Variants in MAP2K6 observed in about 807,000 individuals in gnomAD.
MAP2K6 encodes mitogen-activated protein kinase kinase 6, also known as dual specificity mitogen-activated protein kinase kinase 6.
MAP2K6 carries 16 observed loss-of-function variants against 53.7 expected under a neutral mutation model. The ratio of observed to expected loss-of-function variants is 0.30; its 90% CI spans 0.20 to 0.45. The LOEUF (loss-of-function observed/expected upper bound fraction) is 0.45, where lower values mean the gene tolerates loss of function less well. Ranked by LOEUF, MAP2K6 falls within the 20% of genes least tolerant of loss-of-function variation. The pLI, the probability that MAP2K6 is intolerant of heterozygous loss-of-function variation, is 1.00. For synonymous variants in MAP2K6, 132 were observed against 143.1 expected (o/e 0.92, Z 0.55); for missense variants, 204 against 411.9 (o/e 0.50, Z 4.37).
chr17:69,450,101 A>ATT (rs55956707), intron 1 of MAP2K6, among the ~76,000 whole-genome samples: 1 of 124,898 alleles, frequency 8.0e-6, no homozygotes, highest in African/African-American at 3.0e-5. Context: ...CACCTGGCTA[A>ATT]TTTTTTTTTT....
At chr17:69,516,202 T>A (rs1180036290) in intron 2 of MAP2K6, among the ~76,000 whole-genome samples, 1 of 151,932 alleles carries the variant, frequency 6.6e-6, no homozygotes, top group African/African-American at 2.4e-5. Flanking sequence ...AGCCTTGAGC[T>A]TGTTATCCTG....
chr17:69,448,244 G>T (rs117450832), intron 1 of MAP2K6, among the ~76,000 whole-genome samples: 60 of 138,864 alleles, frequency 4.3e-4, no homozygotes, highest in African/African-American at 9.4e-4. Context: ...TTTTGTTTTT[G>T]TTTTTTTTTT....
intron 1 of MAP2K6, among the ~76,000 whole-genome samples, chr17:69,458,244 G>A (rs980721419): frequency 1.3e-5 from 2 of 152,006 alleles, no homozygotes; most frequent in African/African-American, 4.8e-5. Context: ...GTAGAGATGG[G>A]GTTTCACCAT....
At chr17:69,437,575 AAC>A (rs1906688407) in intron 1 of MAP2K6, among the ~76,000 whole-genome samples, 1 of 152,230 alleles carries the variant, frequency 6.6e-6, no homozygotes, top group Admixed American at 6.5e-5. Flanking sequence ...ATTGTGGTTA[AAC>A]ACACATAATG....
At chr17:69,473,796 A>G (rs1908054282) in intron 1 of MAP2K6, among the ~76,000 whole-genome samples, 1 of 152,200 alleles carries the variant, frequency 6.6e-6, no homozygotes, top group South Asian at 2.1e-4. Flanking sequence ...AGGGTTCAAT[A>G]TATCTATTTT....
intron 6 of MAP2K6, 147 bp downstream of exon 6, chr17:69,520,533 C>A: frequency 1.6e-6 from 1 of 628,006 alleles, no homozygotes; most frequent in South Asian, 2.0e-5. Context: ...TGGATAAATA[C>A]ATGCTTTCCT....
chr17:69,441,323 A>G (rs140787027), intron 1 of MAP2K6, among the ~76,000 whole-genome samples: 8 of 151,500 alleles, frequency 5.3e-5, no homozygotes, highest in African/African-American at 1.7e-4. Context: ...TTTCAGGTCT[A>G]TTTTCTCTCT....
intron 10 of MAP2K6, among the ~76,000 whole-genome samples, chr17:69,530,529 A>G (rs552994080): frequency 6.6e-6 from 1 of 152,266 alleles, no homozygotes; most frequent in East Asian, 1.9e-4. Flanking sequence ...GAATTAAGAA[A>G]TAGAAGGGAA....
chr17:69,445,340 C>T (rs549719345), intron 1 of MAP2K6, among the ~76,000 whole-genome samples: 11 of 152,308 alleles, frequency 7.2e-5, no homozygotes, highest in African/African-American at 2.4e-4. Context: ...TTCCTGACCT[C>T]AAAAGCAAAA....
intron 1 of MAP2K6, 164 bp from the exon 2 acceptor site, chr17:69,505,616 C>T: frequency 1.6e-6 from 1 of 623,854 alleles, no homozygotes; most frequent in Non-Finnish European, 2.9e-6. Flanking sequence ...CTACCTGGTG[C>T]TTGGGTTCTT....
chr17:69,475,409 C>T (rs1908117766), intron 1 of MAP2K6, among the ~76,000 whole-genome samples: 1 of 152,110 alleles, frequency 6.6e-6, no homozygotes, highest in African/African-American at 2.4e-5. Context: ...ACCTCGTGAT[C>T]CGCCCGTCTC....
rs188187475 is a variant in MAP2K6 at position 69,511,858 on chromosome 17, A to G, written c.84-4997A>G. On this transcript the variant is annotated intron_variant, in intron 2 of 11. Transcript: ENST00000590474. ...GCTGGGCGTGGTGGCGGGCACCTGT[A>G]ATCCCAGCTTCTTGGGAGGCTGAGA... is the stretch of plus-strand genomic sequence containing the variant. 1.6e-3 allele frequency among the ~76,000 whole-genome samples: 242 copies of G among 152,346 alleles called. 2 individuals are homozygous for G. The highest frequency in any genetic ancestry group is 0.013 in the Admixed American group (198 of 15,306).
chr17:69,475,540 T>A (rs1567831415), intron 1 of MAP2K6, among the ~76,000 whole-genome samples: 1 of 152,254 alleles, frequency 6.6e-6, no homozygotes, highest in Non-Finnish European at 1.5e-5. Context: ...AAATGATGAC[T>A]GAGGATTTTC....
At chr17:69,481,782 T>A (rs1433459536) in intron 1 of MAP2K6, among the ~76,000 whole-genome samples, 1 of 152,178 alleles carries the variant, frequency 6.6e-6, no homozygotes, top group Non-Finnish European at 1.5e-5. Context: ...TATCTTAACT[T>A]AGTTACCTCT....
chr17:69,421,025 C>A (rs1364529698), intron 1 of MAP2K6, among the ~76,000 whole-genome samples: 1 of 152,172 alleles, frequency 6.6e-6, no homozygotes, highest in African/African-American at 2.4e-5. Context: ...TGTTTGAAAG[C>A]CCTTGCTGGG....
In MAP2K6 at chr17:69,549,463, T is replaced by C. The variant is rs1320328542; in HGVS notation, c.*7710T>C. ...TCTGTTTTCCTTTGCTACAATTTGCTTGTTATTTCTCTGCCGGTCACAGAT... is the reference window on the plus strand; with the variant it reads ...TCTGTTTTCCTTTGCTACAATTTGCCTGTTATTTCTCTGCCGGTCACAGAT... On this transcript the variant is annotated 3_prime_UTR_variant, in exon 12 of 12. Coordinates refer to ENST00000590474, the MANE Select transcript of MAP2K6 (RefSeq NM_002758.4). 1 of 152,250 alleles carries C rather than the reference T, an allele frequency of 6.6e-6. No homozygotes were observed. The highest frequency in any genetic ancestry group is 1.9e-4 in the East Asian group (1 of 5,204). The allele number at this position is 152,250 out of a possible 1,614,324, so 9.4% of individuals were successfully genotyped here.
intron 10 of MAP2K6, 130 bp from the exon 11 acceptor site, chr17:69,535,985 A>C (rs1307654871): frequency 3.1e-6 from 2 of 648,954 alleles, no homozygotes; most frequent in Non-Finnish European, 5.5e-6. Flanking sequence ...AGGAAAGTCA[A>C]GATAGGAGGC....
intron 1 of MAP2K6, among the ~76,000 whole-genome samples, chr17:69,449,693 G>A (rs1333284905): frequency 2.4e-5 from 3 of 124,740 alleles, no homozygotes; most frequent in South Asian, 5.5e-4. Flanking sequence ...GCTCACTGCA[G>A]GCTCCGCCCC....
intron 1 of MAP2K6, among the ~76,000 whole-genome samples, chr17:69,483,142 G>A (rs115308568): frequency 0.013 from 2,012 of 151,806 alleles, 48 homozygotes; most frequent in African/African-American, 0.046. Flanking sequence ...TGGAAAAGAA[G>A]AAGTAAGATG....
Sources: gnomAD v4.1 joint callset for allele counts (sites outside exome capture counted in the v4.1 genomes callset) on GRCh38, gnomAD v4.1.1 for gene constraint, MANE v1.5 for transcripts, NCBI Gene and HGNC (gene_info 2026-07-23, HGNC 2026-07-21) for gene names.